CALCR: variants seen among roughly 807,000 people sequenced by gnomAD.
CALCR encodes calcitonin receptor.
CALCR carries 47 observed loss-of-function variants against 59.5 expected under a neutral mutation model. The ratio of observed to expected loss-of-function variants is 0.79; its 90% CI spans 0.63 to 1.01. CALCR has a LOEUF of 1.01. CALCR is among the 50% of genes least tolerant of loss of function. The pLI, the probability that CALCR is intolerant of heterozygous loss-of-function variation, is 0.00. For missense variants in CALCR, 566 were observed against 597.1 expected, an observed-to-expected ratio of 0.95 and a Z score of 0.54; for synonymous variants, 213 against 211.3, an observed-to-expected ratio of 1.01 and a Z score of -0.07.
At chr7:93,562,774 A>G (rs563272883) in intron 2 of CALCR, among the ~76,000 whole-genome samples, 274 of 152,324 alleles carry the variant, frequency 1.8e-3, no homozygotes, top group African/African-American at 6.2e-3. Context: ...AATAAAGAAT[A>G]TCCTAACAAT....
chr7:93,435,853 A>C, intron 12 of CALCR, 99 bp downstream of exon 12: 2 of 436,672 alleles, frequency 4.6e-6, no homozygotes, highest in Non-Finnish European at 8.1e-6. Flanking sequence ...TAAATAAACA[A>C]ATAAGTAAAA....
intron 9 of CALCR, chr7:93,441,612 C>T (rs1663131864): frequency 2.3e-6 from 1 of 437,072 alleles, no homozygotes; most frequent in Non-Finnish European, 4.5e-6. Context: ...TGTTTTAGGA[C>T]AGGAAAGAGC....
chr7:93,517,838 G>GATTC (rs1184452001), intron 2 of CALCR, among the ~76,000 whole-genome samples: 1 of 151,796 alleles, frequency 6.6e-6, no homozygotes, highest in Non-Finnish European at 1.5e-5. Context: ...CTTTGAAAGA[G>GATTC]ATTAGTTCAA....
rs1463316815 is a variant in CALCR at position 93,424,815 on chromosome 7, C to T, written c.*1541G>A. On this transcript the variant is annotated 3_prime_UTR_variant, in exon 14 of 14. Coordinates refer to ENST00000426151, the MANE Select transcript of CALCR (RefSeq NM_001742.4). ...GAAAAATACCTTCTTTTCGATCCCC[C>T]CCTTACATTCAGTAAAGGAGACTTA... 2.6e-5 allele frequency: 4 copies of T among 152,540 alleles called. No homozygotes were observed. Among genetic ancestry groups the T allele is most frequent in the Admixed American group, 6.5e-5 (1 of 15,272 alleles). The allele number at this position is 152,540 out of a possible 1,614,324, so 9.4% of individuals were successfully genotyped here.
intron 2 of CALCR, among the ~76,000 whole-genome samples, chr7:93,496,610 G>A (rs550230548): frequency 2.9e-4 from 44 of 151,550 alleles, no homozygotes; most frequent in Admixed American, 1.9e-3. Flanking sequence ...TCTCACAGGC[G>A]ATTATTCCTT....
chr7:93,490,069 G>A (rs1258304031), intron 2 of CALCR, among the ~76,000 whole-genome samples: 2 of 151,954 alleles, frequency 1.3e-5, no homozygotes, highest in African/African-American at 4.8e-5. Flanking sequence ...CCATGATCAA[G>A]TCGGCTTCAT....
chr7:93,542,464 T>C (rs560774068), intron 2 of CALCR, among the ~76,000 whole-genome samples: 2 of 152,298 alleles, frequency 1.3e-5, no homozygotes, highest in South Asian at 4.1e-4. Context: ...GGTGAGTCAA[T>C]GAGTGAGTGG....
At chr7:93,549,258 T>A (rs187545892) in intron 2 of CALCR, among the ~76,000 whole-genome samples, 1 of 151,784 alleles carries the variant, frequency 6.6e-6, no homozygotes, top group African/African-American at 2.4e-5. Context: ...ATCTGAATGA[T>A]GAGAAAGTAT....
intron 13 of CALCR, among the ~76,000 whole-genome samples, chr7:93,433,624 G>A (rs75585140): frequency 0.029 from 4,457 of 152,238 alleles, 178 homozygotes; most frequent in African/African-American, 0.094. Flanking sequence ...AGGATGTCTG[G>A]AGCTATAGAA....
intron 11 of CALCR, among the ~76,000 whole-genome samples, chr7:93,437,146 T>C (rs1799798559): frequency 6.6e-6 from 1 of 152,156 alleles, no homozygotes; most frequent in Non-Finnish European, 1.5e-5. Flanking sequence ...ATGCATATAC[T>C]CAACTCAGAT....
intron 2 of CALCR, among the ~76,000 whole-genome samples, chr7:93,489,932 C>A (rs1401382732): frequency 1.3e-5 from 2 of 151,906 alleles, no homozygotes; most frequent in African/African-American, 4.8e-5. Context: ...ATCCTGATAC[C>A]AAATCCGGGC....
At chr7:93,567,552 GTTT>G (rs370167550) in intron 2 of CALCR, among the ~76,000 whole-genome samples, 4 of 149,214 alleles carry the variant, frequency 2.7e-5, no homozygotes, top group African/African-American at 9.9e-5. Context: ...TTTATAAAAA[GTTT>G]TTTTTTTAAT....
intron 2 of CALCR, among the ~76,000 whole-genome samples, chr7:93,495,167 T>C (rs1801172672): frequency 6.6e-6 from 1 of 151,384 alleles, no homozygotes; most frequent in Non-Finnish European, 1.5e-5. Context: ...GAAATGCACC[T>C]TGAGAACTTT....
At chr7:93,438,480 G>A (rs1447624072) in intron 9 of CALCR, among the ~76,000 whole-genome samples, 2 of 152,166 alleles carry the variant, frequency 1.3e-5, no homozygotes, top group Non-Finnish European at 2.9e-5. Flanking sequence ...TGAGAGTTTG[G>A]TTAAGAGCAT....
intron 2 of CALCR, among the ~76,000 whole-genome samples, chr7:93,570,843 C>T (rs1346271827): frequency 6.6e-6 from 1 of 152,020 alleles, no homozygotes; most frequent in Admixed American, 6.6e-5. Flanking sequence ...TTCTTAAAAA[C>T]AAAACCAAAA....
chr7:93,435,980 T>C lies in CALCR; in HGVS notation c.1121A>G (p.Tyr374Cys), dbSNP rs1799768509. 4 of 1,612,518 alleles carry C rather than the reference T, an allele frequency of 2.5e-6. No homozygotes were observed. Among genetic ancestry groups the C allele is most frequent in the Non-Finnish European group, 3.4e-6 (4 of 1,178,616 alleles). The change falls in exon 12 of 14, where the codon TAC becomes TGC. Residue 374 changes from tyrosine (Y) to cysteine (C), a missense_variant. Coordinates refer to ENST00000426151, the MANE Select transcript of CALCR (RefSeq NM_001742.4). ...SNKMLGKIYD[Y>C]VMHSLIHFQG... ...GAAATGAATCAGAGAGTGCATCACG[T>C]AATCATATATCTTCCCAAGCATCTT...
chr7:93,516,948 T>A (rs949281357), intron 2 of CALCR, among the ~76,000 whole-genome samples: 1 of 151,790 alleles, frequency 6.6e-6, no homozygotes, highest in African/African-American at 2.4e-5. Context: ...GTTTAGAGCA[T>A]AAGAGTAAGT....
At chr7:93,428,217 A>C (rs528521104) in intron 13 of CALCR, among the ~76,000 whole-genome samples, 30 of 152,240 alleles carry the variant, frequency 2.0e-4, no homozygotes, top group Non-Finnish European at 4.0e-4. Context: ...ACCGTATCAT[A>C]AGTATGTGAT....
intron 2 of CALCR, among the ~76,000 whole-genome samples, chr7:93,525,266 C>T (rs141964355): frequency 1.3e-5 from 2 of 152,260 alleles, no homozygotes; most frequent in East Asian, 3.9e-4. Context: ...GGAAACATTA[C>T]CTTTTAATAC....
Sources: allele counts gnomAD v4.1 joint callset (sites outside exome capture counted in the v4.1 genomes callset), GRCh38; gene constraint gnomAD v4.1.1; transcripts MANE v1.5; gene names NCBI Gene and HGNC (gene_info 2026-07-23, HGNC 2026-07-21).